Variants in LPA observed in about 807,000 individuals in gnomAD.
LPA encodes apolipoprotein(a).
In LPA, 199 loss-of-function variants were observed where a neutral mutation model predicts 197.9. The observed-to-expected ratio is 1.01, with a 90% CI of 0.90 to 1.13. The LOEUF (loss-of-function observed/expected upper bound fraction) is 1.13. LPA is among the 50% of genes most tolerant of loss of function. The pLI is 0.00. For synonymous variants in LPA, 715 were observed against 639.5 expected, an observed-to-expected ratio of 1.12 and a Z score of -1.78; for missense variants, 1,853 against 1,785.8, an observed-to-expected ratio of 1.04 and a Z score of -0.68.
intron 26 of LPA, among the ~76,000 whole-genome samples, chr6:160,582,842 T>C (rs1778826453): frequency 6.6e-6 from 1 of 152,114 alleles, no homozygotes; most frequent in Non-Finnish European, 1.5e-5. Context: ...TTAAATATTT[T>C]GATATTTTCA....
At position 160,553,954 on chromosome 6, in the gene LPA, T is replaced by TGTGTGC. The variant is rs771903485; in HGVS notation, c.4973+2070_4973+2071insGCACAC. ...CTCTCTCTCTGTGTGTGTGTGTGTGTGCGCGCGCGCGCGTGTGCGTGTGTG... is the reference window on the plus strand; with the variant it reads ...CTCTCTCTCTGTGTGTGTGTGTGTGTGTGTGCGCGCGCGCGCGCGTGTGCGTGTGTG... On this transcript the variant is annotated intron_variant, in intron 30 of 38. Coordinates refer to ENST00000316300, the MANE Select transcript of LPA (RefSeq NM_005577.4). 7.6e-3 allele frequency among the ~76,000 whole-genome samples: 992 copies of TGTGTGC among 130,796 alleles called. 16 individuals carry two copies. The highest frequency in any genetic ancestry group is 0.027 in the African/African-American group (909 of 33,080). The allele number at this position is 130,796 out of a possible 152,430, so 85.8% of individuals were successfully genotyped here.
intron 16 of LPA, among the ~76,000 whole-genome samples, chr6:160,611,361 C>A (rs772845970): frequency 6.6e-6 from 1 of 152,048 alleles, no homozygotes; most frequent in Non-Finnish European, 1.5e-5. Flanking sequence ...TTCTGCTCCA[C>A]AAAACTAGGA....
At chr6:160,564,671 C>T (rs984696618) in intron 28 of LPA, among the ~76,000 whole-genome samples, 17 of 152,280 alleles carry the variant, frequency 1.1e-4, no homozygotes, top group African/African-American at 3.1e-4. Flanking sequence ...GTGCAGCCCA[C>T]GGAGAGTGAG....
At chr6:160,591,509 C>T (rs1202589963) in intron 22 of LPA, among the ~76,000 whole-genome samples, 1 of 152,160 alleles carries the variant, frequency 6.6e-6, no homozygotes, top group Non-Finnish European at 1.5e-5. Context: ...TATAGGAGTA[C>T]CCAATCTATT....
chr6:160,650,798 T>C (rs971992890), intron 1 of LPA, among the ~76,000 whole-genome samples: 12 of 152,174 alleles, frequency 7.9e-5, no homozygotes, highest in African/African-American at 2.2e-4. Flanking sequence ...TTAATGTTCA[T>C]GAGGACCACA....
chr6:160,605,266 C>G, intron 17 of LPA, 61 bp from the exon 18 acceptor site: 1 of 1,588,304 alleles, frequency 6.3e-7, no homozygotes, highest in Non-Finnish European at 8.6e-7. Flanking sequence ...ACATGTGAAG[C>G]CACTTATGGC....
intron 1 of LPA, among the ~76,000 whole-genome samples, chr6:160,651,386 C>A (rs986750321): frequency 1.3e-5 from 2 of 152,174 alleles, no homozygotes; most frequent in Non-Finnish European, 2.9e-5. Context: ...AATTCTTCCA[C>A]ACCCCAGGCC....
intron 2 of LPA, among the ~76,000 whole-genome samples, chr6:160,647,836 C>A (rs1221039147): frequency 6.6e-6 from 1 of 152,178 alleles, no homozygotes; most frequent in Non-Finnish European, 1.5e-5. Context: ...AACTCGTCAA[C>A]TCTCATTTAA....
chr6:160,547,712 G>A (rs1453003889), intron 32 of LPA, 77 bp downstream of exon 32: 2 of 1,598,336 alleles, frequency 1.3e-6, no homozygotes, highest in African/African-American at 2.7e-5. Flanking sequence ...AGTCTTTCCA[G>A]TATTTTCCTC....
intron 26 of LPA, among the ~76,000 whole-genome samples, chr6:160,581,247 C>A (rs915095995): frequency 1.3e-5 from 2 of 151,958 alleles, no homozygotes; most frequent in Admixed American, 6.6e-5. Context: ...TTTATGCTGA[C>A]CCTTTTCTGT....
intron 28 of LPA, among the ~76,000 whole-genome samples, chr6:160,566,286 A>T (rs534694592): frequency 2.6e-5 from 4 of 152,198 alleles, no homozygotes; most frequent in South Asian, 2.1e-4. Context: ...GACTAACAGC[A>T]GATCTCTCAG....
chr6:160,653,636 C>G (rs1478066027), intron 1 of LPA, among the ~76,000 whole-genome samples: 3 of 151,580 alleles, frequency 2.0e-5, no homozygotes, highest in Admixed American at 2.0e-4. Context: ...TGAAACAATT[C>G]CAAAAGATAA....
In LPA at chr6:160,548,491, A is replaced by G. The variant is rs2115004248; in HGVS notation, c.5142T>C (p.Pro1714=). 1 of 1,614,024 alleles carries G rather than the reference A, an allele frequency of 6.2e-7. No homozygotes were observed. Among genetic ancestry groups the G allele is most frequent in the East Asian group, 2.2e-5 (1 of 44,878 alleles). The change falls in exon 31 of 39, where the codon CCT becomes CCC. Residue 1714 remains proline (P), a synonymous_variant. Transcript: ENST00000316300. ...PTVIQVPSLG[P]PSEQDCMFGN... is the part of the protein sequence containing the mutation. ...CAGACTTCTTACCTTGTTCAGAAGGAGGCCCTAGGCTTGGAACCTGGATGA... is the reference window on the plus strand; with the variant it reads ...CAGACTTCTTACCTTGTTCAGAAGGGGGCCCTAGGCTTGGAACCTGGATGA...
In LPA at chr6:160,600,903, G is replaced by T; in HGVS notation, c.3127+14C>A. The T allele has an allele frequency of 6.2e-7, 1 of 1,611,960 alleles. No homozygotes were observed. The highest frequency in any genetic ancestry group is 1.7e-5 in the Admixed American group (1 of 60,004). ...CAGCATCCAAGCAGGTAAATGTCTGGCACAACTTCTTACCTTGTTCAAAAA... is the reference window on the plus strand; with the variant it reads ...CAGCATCCAAGCAGGTAAATGTCTGTCACAACTTCTTACCTTGTTCAAAAA... On this transcript the variant is annotated intron_variant, in intron 19 of 38. Transcript: ENST00000316300.
Position 160,553,913 on chromosome 6 carries a change from CTCTCTT to C in LPA, c.4973+2106_4973+2111del, listed in dbSNP as rs143333776. Reference sequence around the variant, plus strand: ...TTTATTTTTTTCAGCCTTTCTCTCTCTCTCTTTCTCTCTCTCTCTCTCTCTGTGTGT... The same window carrying C: ...TTTATTTTTTTCAGCCTTTCTCTCTCTCTCTCTCTCTCTCTCTCTGTGTGT... On this transcript the variant is annotated intron_variant, in intron 30 of 38. Coordinates refer to ENST00000316300, the MANE Select transcript of LPA (RefSeq NM_005577.4). Among the ~76,000 whole-genome samples the C allele has an allele frequency of 2.9e-3, 427 of 145,464 alleles. 8 individuals carry two copies. Among genetic ancestry groups the C allele is most frequent in the Middle Eastern group, 0.01 (3 of 286 alleles).
chr6:160,663,866 CAT>C (rs1780265524), intron 1 of LPA, among the ~76,000 whole-genome samples: 1 of 152,224 alleles, frequency 6.6e-6, no homozygotes, highest in Admixed American at 6.5e-5. Context: ...CCATCCTTTG[CAT>C]AGTTAGCTAC....
chr6:160,588,662 C>T (rs954217802), intron 24 of LPA, among the ~76,000 whole-genome samples: 9 of 152,134 alleles, frequency 5.9e-5, no homozygotes, highest in African/African-American at 1.9e-4. Context: ...TTCCACAAAT[C>T]CCTTCTCATT....
chr6:160,547,673 G>A (rs1778094446), intron 32 of LPA, 116 bp downstream of exon 32: 1 of 1,429,800 alleles, frequency 7.0e-7, no homozygotes, highest in Admixed American at 1.7e-5. Flanking sequence ...CACTTTCCAT[G>A]CTAAGGCTAA....
intron 8 of LPA, among the ~76,000 whole-genome samples, chr6:160,632,237 A>G (rs1779704219): frequency 7.8e-6 from 1 of 128,722 alleles, no homozygotes; most frequent in Non-Finnish European, 1.6e-5. Context: ...ATTTGAAATC[A>G]GTTATCATAC....
Sources: allele counts gnomAD v4.1 joint callset (sites outside exome capture counted in the v4.1 genomes callset), GRCh38; gene constraint gnomAD v4.1.1; transcripts MANE v1.5; gene names NCBI Gene and HGNC (gene_info 2026-07-23, HGNC 2026-07-21).